TLL1: variants seen among roughly 807,000 people sequenced by gnomAD.
TLL1 encodes tolloid-like protein 1.
TLL1 carries 49 observed loss-of-function variants against 128.2 expected under a neutral mutation model. The observed-to-expected ratio is 0.38, with a 90% CI of 0.30 to 0.48. The LOEUF is 0.48. Ranked by LOEUF, TLL1 falls within the 20% of genes least tolerant of loss-of-function variation. The pLI, the probability that TLL1 is intolerant of heterozygous loss-of-function variation, is 0.96. For missense variants in TLL1, 1,123 were observed against 1,242.0 expected, an observed-to-expected ratio of 0.90 and a Z score of 1.44; for synonymous variants, 454 against 418.8, an observed-to-expected ratio of 1.08 and a Z score of -1.03.
At chr4:165,923,284 T>C (rs1733117432) in intron 1 of TLL1, among the ~76,000 whole-genome samples, 1 of 152,054 alleles carries the variant, frequency 6.6e-6, no homozygotes, top group African/African-American at 2.4e-5. Context: ...TTGCTGACTT[T>C]TGTAAGTAAG....
At chr4:166,023,425 A>T (rs1738336672) in intron 8 of TLL1, among the ~76,000 whole-genome samples, 1 of 152,168 alleles carries the variant, frequency 6.6e-6, no homozygotes, top group South Asian at 2.1e-4. Context: ...AGTTTATGTC[A>T]TCTCATCCAC....
intron 1 of TLL1, among the ~76,000 whole-genome samples, chr4:165,936,522 ATTTG>A (rs1289059426): frequency 2.0e-5 from 3 of 151,898 alleles, no homozygotes; most frequent in Non-Finnish European, 2.9e-5. Context: ...TTTTAATTGT[ATTTG>A]TTTGTATAAT....
In TLL1 at chr4:166,077,990, C is replaced by T; in HGVS notation, c.2402C>T (p.Thr801Ile). The T allele has an allele frequency of 6.8e-6, 11 of 1,613,742 alleles. No homozygotes were observed. The highest frequency in any genetic ancestry group is 8.5e-6 in the Non-Finnish European group (10 of 1,179,780). The change falls in exon 18 of 21, where the codon ACT becomes ATT. Residue 801 changes from threonine to isoleucine, a missense_variant. By Grantham distance (89) the Thr-to-Ile change is moderately conservative (BLOSUM62 -1). This residue lies in a region of TLL1 where 634 missense variants were observed against 672.4 expected (regional missense o/e 0.94). Coordinates refer to ENST00000061240, the MANE Select transcript of TLL1 (RefSeq NM_012464.5). ...AAGTACCCAAGCAGGAAAGAATGCA[C>T]TTGGGAAATCAGCGCCACTCCTGGC... Reference protein sequence around the residue: ...PDKYPSRKECTWEISATPGHR... With the variant: ...PDKYPSRKECIWEISATPGHR...
chr4:166,093,245 G>T (rs1741860105), intron 19 of TLL1, among the ~76,000 whole-genome samples: 1 of 152,082 alleles, frequency 6.6e-6, no homozygotes, highest in Non-Finnish European at 1.5e-5. Context: ...AGTTTTTATT[G>T]ATTATTATTT....
At chr4:166,089,597 A>G (rs1741670305) in intron 18 of TLL1, among the ~76,000 whole-genome samples, 1 of 152,060 alleles carries the variant, frequency 6.6e-6, no homozygotes, top group Admixed American at 6.6e-5. Flanking sequence ...GACTCTACTG[A>G]TGTCTCCTTG....
intron 1 of TLL1, among the ~76,000 whole-genome samples, chr4:165,988,285 T>C (rs1736476680): frequency 6.6e-6 from 1 of 152,110 alleles, no homozygotes; most frequent in Non-Finnish European, 1.5e-5. Context: ...AGAGCTTTGC[T>C]TTATTAAGTA....
chr4:166,055,892 G>A (rs1739981351), intron 13 of TLL1, among the ~76,000 whole-genome samples: 1 of 152,012 alleles, frequency 6.6e-6, no homozygotes, highest in African/African-American at 2.4e-5. Context: ...TGACACTTAT[G>A]TTGTGTGTCA....
intron 1 of TLL1, among the ~76,000 whole-genome samples, chr4:165,941,681 A>C (rs1475429287): frequency 6.6e-6 from 1 of 152,158 alleles, no homozygotes; most frequent in Admixed American, 6.6e-5. Context: ...CTTAAAATTA[A>C]TCTAAATGTA....
chr4:165,985,815 C>T (rs1340393869), intron 1 of TLL1, among the ~76,000 whole-genome samples: 1 of 151,976 alleles, frequency 6.6e-6, no homozygotes, highest in Non-Finnish European at 1.5e-5. Context: ...GCATTAACGG[C>T]AAATAACCTT....
At chr4:165,906,827 G>GTTT (rs372917139) in intron 1 of TLL1, among the ~76,000 whole-genome samples, 6 of 114,224 alleles carry the variant, frequency 5.3e-5, no homozygotes, top group Admixed American at 8.8e-5. Context: ...TATTTCTCCA[G>GTTT]TTTTTTTTTT....
At chr4:165,947,733 A>C (rs1224455062) in intron 1 of TLL1, among the ~76,000 whole-genome samples, 1 of 152,116 alleles carries the variant, frequency 6.6e-6, no homozygotes, top group Non-Finnish European at 1.5e-5. Flanking sequence ...TAGAAATCTG[A>C]AGGGTGTTGT....
chr4:166,041,142 C>T (rs893722628), intron 10 of TLL1, among the ~76,000 whole-genome samples: 6 of 152,146 alleles, frequency 3.9e-5, no homozygotes, highest in Non-Finnish European at 8.8e-5. Context: ...TCTGCCTAAA[C>T]AGATATAATC....
intron 8 of TLL1, among the ~76,000 whole-genome samples, chr4:166,020,801 A>G (rs1738190639): frequency 6.6e-6 from 1 of 152,218 alleles, no homozygotes; most frequent in African/African-American, 2.4e-5. Context: ...AATTTTTAAA[A>G]GTATAACATA....
chr4:165,942,943 A>G (rs1482657662), intron 1 of TLL1, among the ~76,000 whole-genome samples: 1 of 152,082 alleles, frequency 6.6e-6, no homozygotes, highest in South Asian at 2.1e-4. Context: ...TTTTCATGTC[A>G]GATATTTTCA....
chr4:166,032,413 G>C (rs1157380810), intron 9 of TLL1, among the ~76,000 whole-genome samples: 1 of 151,956 alleles, frequency 6.6e-6, no homozygotes, highest in Non-Finnish European at 1.5e-5. Flanking sequence ...TGGGGGAGTG[G>C]GTTGCACTAT....
chr4:165,993,253 T>A (rs1423782851), intron 3 of TLL1, among the ~76,000 whole-genome samples: 1 of 151,952 alleles, frequency 6.6e-6, no homozygotes. Context: ...TAAATCTACT[T>A]AAAGTAAAAT....
chr4:166,016,961 G>T (rs1198045125), intron 8 of TLL1, among the ~76,000 whole-genome samples: 1 of 151,502 alleles, frequency 6.6e-6, no homozygotes, highest in Non-Finnish European at 1.5e-5. Flanking sequence ...TGACTCAGTG[G>T]CTATATGTGC....
In TLL1 at chr4:166,086,234, T is replaced by A. The variant is rs115719062; in HGVS notation, c.2443-4894T>A. The stretch of plus-strand genomic sequence containing the variant: ...CTGTACATTAATATGAGAACTGAAC[T>A]ATCAGAGTCAGTTTATTATAGATTT... On this transcript the variant is annotated intron_variant, in intron 18 of 20. Coordinates refer to ENST00000061240, the MANE Select transcript of TLL1 (RefSeq NM_012464.5). 4.5e-3 allele frequency among the ~76,000 whole-genome samples: 678 copies of A among 152,242 alleles called. 6 individuals are homozygous for A. The highest frequency in any genetic ancestry group is 0.016 in the African/African-American group (654 of 41,556).
intron 1 of TLL1, among the ~76,000 whole-genome samples, chr4:165,923,529 C>T (rs977996447): frequency 2.1e-5 from 3 of 146,032 alleles, no homozygotes; most frequent in African/African-American, 5.1e-5. Context: ...CCCGGGTTCA[C>T]GCCATTCTCC....
Sources: allele counts gnomAD v4.1 joint callset (sites outside exome capture counted in the v4.1 genomes callset), GRCh38; gene constraint gnomAD v4.1.1; regional missense constraint gnomAD v4.1.1; transcripts MANE v1.5; gene names NCBI Gene and HGNC (gene_info 2026-07-23, HGNC 2026-07-21).